FBXL17: variants seen among roughly 807,000 people sequenced by gnomAD.
The protein encoded by FBXL17 is F-box/LRR-repeat protein 17.
FBXL17 carries 22 observed loss-of-function variants against 66.2 expected under a neutral mutation model. The ratio of observed to expected loss-of-function variants is 0.33; its 90% CI spans 0.24 to 0.47. The LOEUF (loss-of-function observed/expected upper bound fraction) is 0.47. FBXL17 is among the 20% of genes least tolerant of loss of function. The pLI is 1.00. For missense variants in FBXL17, 878 were observed against 948.2 expected, an observed-to-expected ratio of 0.93 and a Z score of 0.97; for synonymous variants, 474 against 400.5, an observed-to-expected ratio of 1.18 and a Z score of -2.19.
In FBXL17 at chr5:108,165,248, G is replaced by C. The variant is rs189616976; in HGVS notation, c.1745+20869C>G. 6.0e-4 allele frequency among the ~76,000 whole-genome samples: 91 copies of C among 152,260 alleles called. 1 individual carries two copies. The highest frequency in any genetic ancestry group is 2.1e-3 in the African/African-American group (88 of 41,554). Reference sequence around the variant, plus strand: ...AAAACAAAAAGAAGTTGAGTGACAGGCACCAATTGCAAAATATTACAGACA... The same window carrying C: ...AAAACAAAAAGAAGTTGAGTGACAGCCACCAATTGCAAAATATTACAGACA... On this transcript the variant is annotated intron_variant, in intron 6 of 8. Coordinates refer to ENST00000542267, the MANE Select transcript of FBXL17 (RefSeq NM_001163315.3).
chr5:108,053,633 A>G (rs752158059), intron 6 of FBXL17, among the ~76,000 whole-genome samples: 4 of 152,198 alleles, frequency 2.6e-5, no homozygotes, highest in Non-Finnish European at 4.4e-5. Flanking sequence ...GAAGCTGTGG[A>G]TAAATAGCAA....
rs1258241629 is a variant in FBXL17, at chr5:108,029,208, T to A, written c.1746-8207A>T. On this transcript the variant is annotated intron_variant, in intron 6 of 8. Transcript: ENST00000542267. ...CAAGCAGGATGGCAGAATAGGATAGTCATGACTTCTTGTTATTTTTTAAAA... is the reference window on the plus strand; with the variant it reads ...CAAGCAGGATGGCAGAATAGGATAGACATGACTTCTTGTTATTTTTTAAAA... Among the ~76,000 whole-genome samples the A allele has an allele frequency of 3.3e-5, 5 of 152,188 alleles. No homozygotes were observed. In the East Asian group the frequency reaches 9.7e-4, roughly 29 times the overall value.
In FBXL17 at chr5:108,006,650, A is replaced by C. The variant is rs577234958; in HGVS notation, c.1822+14275T>G. On this transcript the variant is annotated intron_variant, in intron 7 of 8. Coordinates refer to ENST00000542267, the MANE Select transcript of FBXL17 (RefSeq NM_001163315.3). The stretch of plus-strand genomic sequence containing the variant: ...AGTGATAATGTGGATCCAGTTTTAT[A>C]ATCAGTATTACATACTTAGCTCTTT... 2.0e-5 allele frequency among the ~76,000 whole-genome samples: 3 copies of C among 152,346 alleles called. No individual in the cohort carries two copies. The South Asian group carries it at 6.2e-4, about 32-fold the overall frequency.
intron 4 of FBXL17, among the ~76,000 whole-genome samples, chr5:108,318,573 A>C (rs1417200868): frequency 6.6e-6 from 1 of 151,892 alleles, no homozygotes; most frequent in African/African-American, 2.4e-5. Context: ...ATTTGTATAT[A>C]ATTTCAAATA....
At chr5:108,001,347 A>G (rs1753716040) in intron 7 of FBXL17, among the ~76,000 whole-genome samples, 1 of 152,198 alleles carries the variant, frequency 6.6e-6, no homozygotes, top group Non-Finnish European at 1.5e-5. Context: ...AATGGAATTA[A>G]TCCCTAATTA....
chr5:108,071,072 GATAAA>G (rs1174478094), intron 6 of FBXL17, among the ~76,000 whole-genome samples: 1 of 152,148 alleles, frequency 6.6e-6, no homozygotes, highest in Non-Finnish European at 1.5e-5. Context: ...AGCACCTTGA[GATAAA>G]ATAAAAGAAC....
Position 108,169,379 on chromosome 5 carries a change from C to G in FBXL17, c.1745+16738G>C, listed in dbSNP as rs143837580. Among the ~76,000 whole-genome samples the G allele has an allele frequency of 2.5e-4, 38 of 152,256 alleles. No homozygotes were observed. In the East Asian group the frequency reaches 7.1e-3, roughly 29 times the overall value. ...TCAAAGATAGTCATTCCATAAATGT[C>G]TATACATCTGTAGAAAGAAATGTTA... On this transcript the variant is annotated intron_variant, in intron 6 of 8. Coordinates refer to ENST00000542267, the MANE Select transcript of FBXL17 (RefSeq NM_001163315.3).
chr5:107,871,817 A>G (rs1343031989), intron 8 of FBXL17, among the ~76,000 whole-genome samples: 1 of 152,148 alleles, frequency 6.6e-6, no homozygotes, highest in African/African-American at 2.4e-5. Flanking sequence ...AGTAAGTGGT[A>G]AGTGCAATGT....
chr5:108,040,117 C>T (rs1580360187), intron 6 of FBXL17, among the ~76,000 whole-genome samples: 1 of 151,988 alleles, frequency 6.6e-6, no homozygotes, highest in Non-Finnish European at 1.5e-5. Flanking sequence ...TCAGAAAGCG[C>T]CTTTTCAAAA....
intron 8 of FBXL17, among the ~76,000 whole-genome samples, chr5:107,871,060 A>AAAAAAAAAAAAAAC (rs1748434884): frequency 8.8e-6 from 1 of 113,622 alleles, no homozygotes; most frequent in African/African-American, 3.2e-5. Flanking sequence ...TGGGCGGCAA[A>AAAAAAAAAAAAAAC]AAAAAAAAAA....
chr5:107,978,886 T>C (rs1468078266), intron 7 of FBXL17, among the ~76,000 whole-genome samples: 2 of 152,210 alleles, frequency 1.3e-5, no homozygotes, highest in Admixed American at 1.3e-4. Flanking sequence ...GTTTTGTTTG[T>C]GCAGGGGGCA....
intron 6 of FBXL17, among the ~76,000 whole-genome samples, chr5:108,072,695 G>C (rs1327722492): frequency 7.5e-6 from 1 of 134,210 alleles, no homozygotes; most frequent in Non-Finnish European, 1.6e-5. Flanking sequence ...GAGACAGAGT[G>C]AGACTCTGTC....
At chr5:108,312,893 A>G (rs572957313) in intron 4 of FBXL17, among the ~76,000 whole-genome samples, 3 of 152,216 alleles carry the variant, frequency 2.0e-5, no homozygotes, top group African/African-American at 7.2e-5. Context: ...AATAACAGAG[A>G]CTCTGACTTC....
intron 6 of FBXL17, among the ~76,000 whole-genome samples, chr5:108,163,398 T>C (rs1243222117): frequency 1.2e-4 from 11 of 92,162 alleles, no homozygotes; most frequent in South Asian, 5.6e-4. Context: ...CTTTTTTTTT[T>C]CTTTTTTTTT....
intron 4 of FBXL17, among the ~76,000 whole-genome samples, chr5:108,341,460 A>G (rs972324457): frequency 6.6e-6 from 1 of 152,180 alleles, no homozygotes; most frequent in Non-Finnish European, 1.5e-5. Flanking sequence ...TAATTCAAGC[A>G]GCAGCAGCAA....
At chr5:108,114,901 C>T (rs1750182610) in intron 6 of FBXL17, among the ~76,000 whole-genome samples, 1 of 152,146 alleles carries the variant, frequency 6.6e-6, no homozygotes, top group Admixed American at 6.5e-5. Flanking sequence ...AAATGACAAA[C>T]ATGTTGCAGA....
chr5:107,991,337 C>T (rs930479672), intron 7 of FBXL17, among the ~76,000 whole-genome samples: 1 of 152,192 alleles, frequency 6.6e-6, no homozygotes, highest in Non-Finnish European at 1.5e-5. Flanking sequence ...GTTCCCTAGA[C>T]CTCTTCGGTT....
intron 6 of FBXL17, among the ~76,000 whole-genome samples, chr5:108,120,074 G>A (rs1297329282): frequency 1.3e-5 from 2 of 152,150 alleles, no homozygotes; most frequent in African/African-American, 4.8e-5. Context: ...CAAAAACTAG[G>A]CACTAGGTGA....
At chr5:108,117,160 A>G (rs904629119) in intron 6 of FBXL17, among the ~76,000 whole-genome samples, 2 of 152,198 alleles carry the variant, frequency 1.3e-5, no homozygotes, top group Non-Finnish European at 2.9e-5. Context: ...CAGTGTTTAA[A>G]AACTGATTGA....
Sources: allele counts gnomAD v4.1 joint callset (sites outside exome capture counted in the v4.1 genomes callset), GRCh38; gene constraint gnomAD v4.1.1; transcripts MANE v1.5; gene names NCBI Gene and HGNC (gene_info 2026-07-23, HGNC 2026-07-21).